LAMA5: variants seen among roughly 807,000 people sequenced by gnomAD.
LAMA5 encodes laminin subunit alpha 5.
LAMA5 carries 260 observed loss-of-function variants against 433.4 expected under a neutral mutation model. That is an observed-to-expected ratio of 0.60 (90% CI 0.54 to 0.66). The LOEUF (loss-of-function observed/expected upper bound fraction) is 0.66. LAMA5 is among the 30% of genes least tolerant of loss of function. LAMA5 has a pLI of 0.00. For synonymous variants in LAMA5, 2,620 were observed against 2,226.6 expected (o/e 1.18, Z -4.97); for missense variants, 5,378 against 5,258.5 (o/e 1.02, Z -0.70).
intron 6 of LAMA5, among the ~76,000 whole-genome samples, chr20:62,349,270 CAAAA>C (rs35537683): frequency 2.1e-5 from 1 of 46,584 alleles, no homozygotes; most frequent in African/African-American, 1.1e-4. Context: ...GACTCCATCT[CAAAA>C]AAAAAAAAAA....
At chr20:62,321,194 T>TGGGGCCAGTGGAGGAAGAG (rs74194514) in intron 48 of LAMA5, among the ~76,000 whole-genome samples, 34 of 8,554 alleles carry the variant, frequency 4.0e-3, no homozygotes, top group Non-Finnish European at 7.1e-3. Flanking sequence ...AGTGAAGGGG[T>TGGGGCCAGTGGAGGAAGAG]GGGGCCAGTG....
At chr20:62,311,819 CCACCCTGCCCA>C in intron 70 of LAMA5, 35 bp from the exon 71 acceptor site, 2 of 819,766 alleles carry the variant, frequency 2.4e-6, no homozygotes, top group Non-Finnish European at 1.9e-6. Context: ...CGGTTTTTCC[CCACCCTGCCCA>C]CCCCCACCTC....
Position 62,333,185 on chromosome 20 carries a change from C to T in LAMA5, c.3187G>A (p.Ala1063Thr), listed in dbSNP as rs374993691. 53 of 1,521,208 alleles carry T rather than the reference C, an allele frequency of 3.5e-5. No homozygotes were observed. Among genetic ancestry groups the T allele is most frequent in the Non-Finnish European group, 4.2e-5 (48 of 1,135,114 alleles). The allele number at this position is 1,521,208 out of a possible 1,614,324, so 94.2% of individuals were successfully genotyped here. ...AGGCTGTTGTCCTGGCGACACAGGG[C>T]CTCCAGCCCGGCGGCCGAGGGGAAG... ...DGFPSAAGLEALCRQDNSLPR... is the reference protein window; with the variant it reads ...DGFPSAAGLETLCRQDNSLPR... Residue 1063 changes from alanine to threonine, a missense_variant, in exon 26 of 80, where the codon GCC becomes ACC. Coordinates refer to ENST00000252999, the MANE Select transcript of LAMA5 (RefSeq NM_005560.6).
rs1568906522 is a variant in LAMA5, at chr20:62,317,433, A to T, written c.7423T>A (p.Phe2475Ile). Reference protein sequence around the residue: ...RTPLLQRMQTFSPAGSKLRLV... With the variant: ...RTPLLQRMQTISPAGSKLRLV... ...CGCAGCTTGCTGCCCGCCGGGGAGA[A>T]GGTCTGCATCCTCTGCAGCAGTGGG... The change falls in exon 55 of 80, where the codon TTC becomes ATC. Residue 2475 changes from phenylalanine to isoleucine, a missense_variant. Coordinates refer to ENST00000252999, the MANE Select transcript of LAMA5 (RefSeq NM_005560.6). 1.9e-6 allele frequency: 3 copies of T among 1,603,324 alleles called. No homozygotes were observed. The highest frequency in any genetic ancestry group is 4.5e-5 in the East Asian group (2 of 44,634).
chr20:62,351,674 G>A lies in LAMA5; in HGVS notation c.956+30C>T, dbSNP rs531463610. 1.1e-5 allele frequency: 17 copies of A among 1,600,136 alleles called. No homozygotes were observed. In the South Asian group the frequency reaches 1.8e-4, roughly 17 times the overall value. On this transcript the variant is annotated intron_variant, in intron 6 of 79. Transcript: ENST00000252999. ...CAGGGAGCTGGGGGGGGCCTCACCT[G>A]AACGGGGCCTCACCTGAATGGGGCC...
chr20:62,338,460 G>A lies in LAMA5; in HGVS notation c.1618+8C>T, dbSNP rs374825377. ...CAGGTAGAGGTTGAGCGGGGAGAGG[G>A]GACTCACGCTGGCAGCCGGGGCCGT... On this transcript the variant is annotated splice_region_variant and intron_variant, in intron 12 of 79. Transcript: ENST00000252999. 7.5e-5 allele frequency: 120 copies of A among 1,607,956 alleles called. No homozygotes were observed. Among genetic ancestry groups the A allele is most frequent in the Non-Finnish European group, 9.9e-5 (117 of 1,178,256 alleles).
Position 62,367,080 on chromosome 20 carries a change from C to T in LAMA5, c.166G>A (p.Ala56Thr). ...CAGGTCGCGGAGGCGGCGATGCGGG[C>T]GCCCTCGGCCAGGTTGAAGTAGGGC... is the stretch of plus-strand genomic sequence containing the variant. ...HPPYFNLAEG[A>T]RIAASATCGE... The change falls in exon 1 of 80, where the codon GCC (alanine) becomes ACC (threonine). Residue 56 changes from alanine (A) to threonine (T), a missense_variant. Physicochemically the swap from Ala to Thr is moderately conservative, Grantham distance 58. Transcript: ENST00000252999. The T allele has an allele frequency of 1.6e-6, 2 of 1,260,346 alleles. No individual in the cohort carries two copies. The highest frequency in any genetic ancestry group is 3.1e-5 in the South Asian group (1 of 31,964). 78.1% of individuals were successfully genotyped at this position (1,260,346 alleles called of 1,614,324 possible).
At chr20:62,339,231 C>CTTTTTTTT (rs151158845) in intron 11 of LAMA5, among the ~76,000 whole-genome samples, 2 of 55,960 alleles carry the variant, frequency 3.6e-5, no homozygotes, top group African/African-American at 1.2e-4. Flanking sequence ...ATTATAGTTT[C>CTTTTTTTT]TTTTTTTTTT....
chr20:62,341,250 G>A (rs1035212478), intron 11 of LAMA5, among the ~76,000 whole-genome samples: 5 of 152,020 alleles, frequency 3.3e-5, no homozygotes, highest in African/African-American at 9.7e-5. Context: ...CTTGAACAGT[G>A]ACGGGTTGAA....
chr20:62,313,979 C>CGAG (rs5842380), intron 62 of LAMA5, among the ~76,000 whole-genome samples, 177 bp from the exon 63 acceptor site: 10,647 of 11,212 alleles, frequency 0.95, 5,126 homozygotes, highest in East Asian at 0.99. Flanking sequence ...GGCACAGAGA[C>CGAG]GGGTGGCGAG....
chr20:62,319,051 G>A (rs776881005), intron 51 of LAMA5, 38 bp from the exon 52 acceptor site: 115 of 1,488,518 alleles, frequency 7.7e-5, no homozygotes, highest in African/African-American at 7.6e-4. Context: ...GGGGCCGCCC[G>A]TACTAGTGCA....
rs778204451 is a variant in LAMA5, at chr20:62,323,844, G to A, written c.5781C>T (p.Gly1927=). Residue 1927 remains glycine (G), a synonymous_variant, in exon 44 of 80, where the codon GGC becomes GGT. Transcript: ENST00000252999. ...GGGTGCGGCCGCCTCGCAGGACACA[G>A]CCCTCGGCGAAGCTGCAAAGACCAG... ...LSVPSNNFAE[G]CVLRGGRTQC... The A allele has an allele frequency of 1.2e-6, 2 of 1,607,368 alleles. No individual in the cohort carries two copies. Among genetic ancestry groups the A allele is most frequent in the Non-Finnish European group, 1.7e-6 (2 of 1,177,282 alleles).
In LAMA5 at chr20:62,338,259, C is replaced by T. The variant is rs1429537385; in HGVS notation, c.1729G>A (p.Gly577Ser). 6.3e-6 allele frequency: 10 copies of T among 1,599,774 alleles called. No homozygotes were observed. The highest frequency in any genetic ancestry group is 1.1e-5 in the South Asian group (1 of 89,394). Residue 577 changes from glycine to serine, a missense_variant, in exon 13 of 80, where the codon GGC becomes AGC. By Grantham distance (56) the Gly-to-Ser change is moderately conservative. Coordinates refer to ENST00000252999, the MANE Select transcript of LAMA5 (RefSeq NM_005560.6). ...TGGCAGAGAGGGAAGTGAAAGTAGC[C>T]GGGGGCACAGCGATCACATGTGGCC... ...EGATCDRCAP[G>S]YFHFPLCQLC...
chr20:62,333,879 G>A, intron 23 of LAMA5, 22 bp downstream of exon 23: 4 of 1,552,426 alleles, frequency 2.6e-6, no homozygotes, highest in Non-Finnish European at 3.5e-6. Flanking sequence ...GGCAGGGGCT[G>A]TGGCCCAGGG....
In LAMA5 at chr20:62,338,131, T is replaced by A. The variant is rs1981992658; in HGVS notation, c.1776A>T (p.Ala592=). Residue 592 remains alanine, a synonymous_variant, in exon 14 of 80, where the codon GCA becomes GCT. Coordinates refer to ENST00000252999, the MANE Select transcript of LAMA5 (RefSeq NM_005560.6). ...PLCQLCGCSP[A]GTLPEGCDEA... is the part of the protein sequence containing the mutation. ...CATCGCAGCCCTCGGGCAAGGTTCC[T>A]GCAGGGCTGCAGCCACACACTGCAG... The A allele has an allele frequency of 6.3e-7, 1 of 1,588,278 alleles. No individual in the cohort carries two copies. The highest frequency in any genetic ancestry group is 1.7e-5 in the Admixed American group (1 of 58,082).
chr20:62,352,483 G>A, intron 3 of LAMA5, 123 bp from the exon 4 acceptor site: 1 of 691,700 alleles, frequency 1.4e-6, no homozygotes, highest in Non-Finnish European at 2.5e-6. Context: ...AAGAGGCCGC[G>A]TGACAGAGAC....
intron 1 of LAMA5, among the ~76,000 whole-genome samples, chr20:62,366,047 G>A (rs1436150902): frequency 6.6e-6 from 1 of 152,210 alleles, no homozygotes; most frequent in East Asian, 1.9e-4. Context: ...GAGGTACCAG[G>A]GAGGAGACAG....
At chr20:62,361,598 G>A (rs757625024) in intron 2 of LAMA5, among the ~76,000 whole-genome samples, 4 of 152,236 alleles carry the variant, frequency 2.6e-5, no homozygotes, top group Non-Finnish European at 5.9e-5. Flanking sequence ...CAGCGGCGGA[G>A]CCGGCTGGGA....
At chr20:62,329,349 C>G in intron 32 of LAMA5, 96 bp from the exon 33 acceptor site, 1 of 913,098 alleles carries the variant, frequency 1.1e-6, no homozygotes, top group Non-Finnish European at 1.7e-6. Flanking sequence ...GCAGGCAGCT[C>G]AGAGTCCTGG....
Sources: allele counts gnomAD v4.1 joint callset (sites outside exome capture counted in the v4.1 genomes callset), GRCh38; gene constraint gnomAD v4.1.1; transcripts MANE v1.5; gene names NCBI Gene and HGNC (gene_info 2026-07-23, HGNC 2026-07-21).